Variants in BCL2L13 observed in about 807,000 individuals in gnomAD.
BCL2L13 encodes BCL2 like 13.
In BCL2L13, 13 loss-of-function variants were observed where a neutral mutation model predicts 25.8. That is an observed-to-expected ratio of 0.50 (90% CI 0.33 to 0.80). The LOEUF (loss-of-function observed/expected upper bound fraction) is 0.80. BCL2L13 is among the 30% of genes least tolerant of loss of function. The pLI, the probability that BCL2L13 is intolerant of heterozygous loss-of-function variation, is 0.02. For synonymous variants in BCL2L13, 244 were observed against 230.3 expected (o/e 1.06, Z -0.54); for missense variants, 504 against 574.9 (o/e 0.88, Z 1.26).
At chr22:17,722,380 T>TGC (rs1555898165) in intron 6 of BCL2L13, among the ~76,000 whole-genome samples, 8 of 85,946 alleles carry the variant, frequency 9.3e-5, no homozygotes, top group South Asian at 2.9e-4. Flanking sequence ...ACTACAGGGG[T>TGC]GTGTGTGTGT....
intron 2 of BCL2L13, among the ~76,000 whole-genome samples, chr22:17,665,853 A>G (rs1034907827): frequency 7.9e-5 from 12 of 152,100 alleles, no homozygotes; most frequent in East Asian, 1.9e-4. Context: ...TGAATATACC[A>G]TAGTTTGTTT....
chr22:17,693,368 G>GTTTTTTTTTT (rs1335053444), intron 4 of BCL2L13, among the ~76,000 whole-genome samples: 1 of 112,244 alleles, frequency 8.9e-6, no homozygotes, highest in African/African-American at 3.9e-5. Context: ...TTTATTTAGT[G>GTTTTTTTTTT]TTTGTTTTTT....
At chr22:17,639,760 A>G (rs1470423995) in intron 1 of BCL2L13, among the ~76,000 whole-genome samples, 2 of 151,990 alleles carry the variant, frequency 1.3e-5, no homozygotes, top group African/African-American at 4.8e-5. Context: ...AAATTATAAG[A>G]TTTCCTCTGG....
intron 3 of BCL2L13, among the ~76,000 whole-genome samples, chr22:17,687,266 G>A (rs2059969880): frequency 6.6e-6 from 1 of 152,116 alleles, no homozygotes; most frequent in African/African-American, 2.4e-5. Context: ...CCTGCAGTTA[G>A]GGAATGGTTA....
chr22:17,676,791 A>G (rs1258916631), intron 2 of BCL2L13, among the ~76,000 whole-genome samples: 2 of 152,232 alleles, frequency 1.3e-5, no homozygotes, highest in Admixed American at 6.5e-5. Flanking sequence ...ATAAACAGTA[A>G]TGGAGATTTA....
In BCL2L13 at chr22:17,629,015, A is replaced by C; in HGVS notation, c.-650+10A>C. ...GAGGAGTACTGGTTAGGTATATTGG[A>C]GAATGTGCCTTTATTGGAATTTTTC... On this transcript the variant is annotated intron_variant, in intron 1 of 6. Coordinates refer to the BCL2L13 transcript ENST00000399782. 1.2e-5 allele frequency: 3 copies of C among 246,312 alleles called. No homozygotes were observed. In the South Asian group the frequency reaches 1.6e-4, roughly 13 times the overall value. 15.3% of individuals were successfully genotyped at this position (246,312 alleles called of 1,614,324 possible).
At chr22:17,724,773 G>A (rs543020317) in intron 6 of BCL2L13, among the ~76,000 whole-genome samples, 1 of 152,266 alleles carries the variant, frequency 6.6e-6, no homozygotes, top group Non-Finnish European at 1.5e-5. Flanking sequence ...TAGCTTTTAC[G>A]AGTGTTGTCT....
At chr22:17,645,590 A>C (rs1292515191) in intron 1 of BCL2L13, among the ~76,000 whole-genome samples, 1 of 151,602 alleles carries the variant, frequency 6.6e-6, no homozygotes, top group East Asian at 1.9e-4. Context: ...TAATTCCTAC[A>C]ATATAATCAG....
At chr22:17,674,874 T>C (rs1236492365) in intron 2 of BCL2L13, among the ~76,000 whole-genome samples, 2 of 55,682 alleles carry the variant, frequency 3.6e-5, no homozygotes, top group African/African-American at 1.7e-4. Flanking sequence ...CCACATATAA[T>C]TTAATGTGGC....
At chr22:17,683,880 T>C in intron 3 of BCL2L13, among the ~76,000 whole-genome samples, 1 of 149,890 alleles carries the variant, frequency 6.7e-6, no homozygotes, top group Non-Finnish European at 1.5e-5. Context: ...TTATTATTAT[T>C]ATTACTATTT....
At chr22:17,638,399 T>G (rs1484703816), upstream of BCL2L13, 1 of 319,152 alleles carries the variant, frequency 3.1e-6, no homozygotes, top group Non-Finnish European at 5.7e-6. Flanking sequence ...GATACTTATT[T>G]GACCTGCTCC....
At chr22:17,715,760 T>C (rs971756979) in intron 6 of BCL2L13, among the ~76,000 whole-genome samples, 2 of 152,236 alleles carry the variant, frequency 1.3e-5, no homozygotes, top group East Asian at 3.9e-4. Context: ...ACTTTCTGGA[T>C]TGATGGGACA....
chr22:17,687,707 C>T (rs904222315), intron 3 of BCL2L13, among the ~76,000 whole-genome samples: 7 of 151,868 alleles, frequency 4.6e-5, no homozygotes, highest in South Asian at 2.1e-4. Flanking sequence ...TTAGTAGAGA[C>T]GGGGTTTCAC....
chr22:17,673,336 T>C (rs1241821397), intron 2 of BCL2L13, among the ~76,000 whole-genome samples: 2 of 151,094 alleles, frequency 1.3e-5, no homozygotes, highest in Non-Finnish European at 2.9e-5. Context: ...CCTGATGCAA[T>C]ATGACTTCTC....
intron 2 of BCL2L13, among the ~76,000 whole-genome samples, chr22:17,679,667 T>G (rs1318067356): frequency 6.6e-6 from 1 of 152,076 alleles, no homozygotes; most frequent in Non-Finnish European, 1.5e-5. Flanking sequence ...AGAAAGAATA[T>G]TTTTGCAATG....
chr22:17,686,078 A>G (rs541578318), intron 3 of BCL2L13, among the ~76,000 whole-genome samples: 1 of 151,884 alleles, frequency 6.6e-6, no homozygotes, highest in South Asian at 2.1e-4. Flanking sequence ...AGCCTGCCCA[A>G]TAATTTTTAA....
At chr22:17,726,350 TAAAAA>T (rs56121786) in intron 6 of BCL2L13, among the ~76,000 whole-genome samples, 1 of 137,092 alleles carries the variant, frequency 7.3e-6, no homozygotes, top group African/African-American at 2.7e-5. Flanking sequence ...GACTCCATCT[TAAAAA>T]AAAAAAAAAA....
chr22:17,682,227 G>A (rs2059777603), intron 2 of BCL2L13, among the ~76,000 whole-genome samples: 2 of 152,178 alleles, frequency 1.3e-5, no homozygotes, highest in Admixed American at 1.3e-4. Context: ...AGAGACTGGT[G>A]ATGAGCATAA....
chr22:17,714,153 C>T (rs1244934812), intron 6 of BCL2L13, among the ~76,000 whole-genome samples: 5 of 151,974 alleles, frequency 3.3e-5, no homozygotes, highest in East Asian at 1.9e-4. Flanking sequence ...GTTAGCCGGG[C>T]GTGGTGGCGG....
Sources: gnomAD v4.1 joint callset for allele counts (sites outside exome capture counted in the v4.1 genomes callset) on GRCh38, gnomAD v4.1.1 for gene constraint, MANE v1.5 for transcripts, NCBI Gene and HGNC (gene_info 2026-07-23, HGNC 2026-07-21) for gene names.